The following RGS7 variants were observed in gnomAD, a reference collection of about 807,000 sequenced individuals.
RGS7 encodes the protein regulator of G protein signaling 7, also known as regulator of G-protein signaling 7.
In RGS7, 27 loss-of-function variants were observed where a neutral mutation model predicts 81.1. The ratio of observed to expected loss-of-function variants is 0.33; its 90% CI spans 0.25 to 0.46. RGS7 has a LOEUF of 0.46. RGS7 is among the 20% of genes least tolerant of loss of function. The pLI is 1.00. For synonymous variants in RGS7, 208 were observed against 207.7 expected (o/e 1.00, Z -0.01); for missense variants, 396 against 607.4 (o/e 0.65, Z 3.66).
chr1:240,827,915 C>G (rs558871070), intron 9 of RGS7, among the ~76,000 whole-genome samples: 9 of 146,180 alleles, frequency 6.2e-5, no homozygotes, highest in Admixed American at 5.5e-4. Flanking sequence ...GGGTGCCTTG[C>G]TTTTCCCAGG....
chr1:241,302,596 G>C (rs772994251), intron 2 of RGS7, among the ~76,000 whole-genome samples: 22 of 152,190 alleles, frequency 1.4e-4, no homozygotes, highest in Non-Finnish European at 2.5e-4. Flanking sequence ...TACTCAGATA[G>C]GGAGCACCTT....
At chr1:241,165,604 G>C (rs2070133872) in intron 2 of RGS7, among the ~76,000 whole-genome samples, 1 of 146,788 alleles carries the variant, frequency 6.8e-6, no homozygotes, top group Non-Finnish European at 1.5e-5. Context: ...CACAGGAAGG[G>C]GAACATCACA....
intron 6 of RGS7, among the ~76,000 whole-genome samples, chr1:240,898,746 G>A (rs984460331): frequency 2.0e-5 from 3 of 152,194 alleles, no homozygotes; most frequent in Admixed American, 2.0e-4. Context: ...GTCCTGAGAA[G>A]AATGTATATT....
At chr1:240,971,253 A>C (rs1683165321) in intron 4 of RGS7, among the ~76,000 whole-genome samples, 1 of 152,158 alleles carries the variant, frequency 6.6e-6, no homozygotes. Flanking sequence ...GGCCACCAGC[A>C]CCTTGACCTT....
rs548439615 is a variant in RGS7, at chr1:241,142,551, G to A, written c.79-43789C>T. On this transcript the variant is annotated intron_variant, in intron 2 of 18. Coordinates refer to ENST00000440928, the MANE Select transcript of RGS7 (RefSeq NM_001364886.1). The stretch of plus-strand genomic sequence containing the variant: ...TTAACCCTGTAAAGCAATGGACTGA[G>A]CTCTACGTTGACCCCTTTCAGCCAT... Among the ~76,000 whole-genome samples the A allele has an allele frequency of 2.0e-4, 31 of 152,334 alleles. No individual in the cohort carries two copies. The South Asian group carries it at 6.2e-3, about 31-fold the overall frequency.
intron 2 of RGS7, among the ~76,000 whole-genome samples, chr1:241,290,008 A>C (rs1454384686): frequency 6.6e-6 from 1 of 152,234 alleles, no homozygotes; most frequent in African/African-American, 2.4e-5. Flanking sequence ...GACAGAGATC[A>C]TCAGAATTGA....
At chr1:241,312,952 G>T (rs990775251) in intron 2 of RGS7, among the ~76,000 whole-genome samples, 4 of 151,982 alleles carry the variant, frequency 2.6e-5, no homozygotes, top group Non-Finnish European at 4.4e-5. Flanking sequence ...CCTTATTGCT[G>T]ATATGGAGAA....
At chr1:241,091,933 AG>A (rs1361881706) in intron 3 of RGS7, among the ~76,000 whole-genome samples, 1 of 152,176 alleles carries the variant, frequency 6.6e-6, no homozygotes, top group Non-Finnish European at 1.5e-5. Context: ...AAAAATCTCA[AG>A]GGCTCATTGA....
intron 2 of RGS7, among the ~76,000 whole-genome samples, chr1:241,353,907 C>CTTTTTTTG (rs1290405151): frequency 2.6e-5 from 4 of 152,066 alleles, no homozygotes; most frequent in African/African-American, 9.7e-5. Context: ...AAAGCCCTGT[C>CTTTTTTTG]TTCTTATTTT....
chr1:241,299,853 T>A (rs1185554847), intron 2 of RGS7, among the ~76,000 whole-genome samples: 1 of 147,342 alleles, frequency 6.8e-6, no homozygotes, highest in African/African-American at 2.5e-5. Context: ...CAGTTGCTCA[T>A]GTCTGTAATC....
At chr1:241,201,830 G>T (rs1411111774) in intron 2 of RGS7, among the ~76,000 whole-genome samples, 1 of 152,084 alleles carries the variant, frequency 6.6e-6, no homozygotes, top group Non-Finnish European at 1.5e-5. Context: ...AAACGTAGGA[G>T]CCAGGATCAG....
At chr1:241,030,582 C>T (rs1371172607) in intron 3 of RGS7, among the ~76,000 whole-genome samples, 2 of 151,026 alleles carry the variant, frequency 1.3e-5, no homozygotes, top group Non-Finnish European at 2.9e-5. Flanking sequence ...CTGGAATTGC[C>T]TTGACCTATC....
intron 2 of RGS7, among the ~76,000 whole-genome samples, chr1:241,218,041 C>T (rs1019460716): frequency 6.6e-6 from 1 of 152,076 alleles, no homozygotes; most frequent in Non-Finnish European, 1.5e-5. Context: ...ATTTGTGTGT[C>T]TGTGTTCATG....
chr1:241,273,045 A>C (rs955583544), intron 2 of RGS7, among the ~76,000 whole-genome samples: 1 of 151,848 alleles, frequency 6.6e-6, no homozygotes, highest in Non-Finnish European at 1.5e-5. Context: ...CATCTGGTCC[A>C]TTCCTTGGTC....
Position 240,819,949 on chromosome 1 carries a change from G to A in RGS7, c.685-3534C>T, listed in dbSNP as rs531020260. Among the ~76,000 whole-genome samples the A allele has an allele frequency of 1.2e-4, 18 of 152,202 alleles. No homozygotes were observed. The East Asian group carries it at 2.5e-3, about 21-fold the overall frequency. ...TTCATTTCCTGGGGATAGTGATAGC[G>A]TTTAACTTTGATTGTTGGCTACAAT... On this transcript the variant is annotated intron_variant, in intron 10 of 18. Coordinates refer to ENST00000440928, the MANE Select transcript of RGS7 (RefSeq NM_001364886.1).
intron 9 of RGS7, among the ~76,000 whole-genome samples, chr1:240,864,771 G>C (rs544873115): frequency 6.6e-6 from 1 of 152,320 alleles, no homozygotes; most frequent in East Asian, 1.9e-4. Flanking sequence ...TGGAAGAGTG[G>C]AATGATAAGG....
chr1:240,916,618 A>G (rs1409852024), intron 6 of RGS7, among the ~76,000 whole-genome samples: 2 of 152,152 alleles, frequency 1.3e-5, no homozygotes, highest in East Asian at 3.9e-4. Flanking sequence ...TCCCAATCCA[A>G]TATGACTGGT....
rs143987987 is a variant in RGS7 at position 241,183,461 on chromosome 1, T to G, written c.79-84699A>C. Among the ~76,000 whole-genome samples, 120 of 152,266 alleles carry G rather than the reference T, an allele frequency of 7.9e-4. 2 individuals carry two copies. In the East Asian group the frequency reaches 0.02, roughly 26 times the overall value. On this transcript the variant is annotated intron_variant, in intron 2 of 18. Transcript: ENST00000440928. ...TAGATACCCAAAGTACAATAAATCA[T>G]GCTCTGTCTCGCAGCTGACATTTCC...
At position 241,144,953 on chromosome 1, in the gene RGS7, G is replaced by A. The variant is rs1352819104; in HGVS notation, c.79-46191C>T. The stretch of plus-strand genomic sequence containing the variant: ...TGTGTGTGTGTGTGTGTGTGTGTGT[G>A]TGTGTGTGTGTTCGTGTTCATTCTT... On this transcript the variant is annotated intron_variant, in intron 2 of 18. Coordinates refer to ENST00000440928, the MANE Select transcript of RGS7 (RefSeq NM_001364886.1). The surrounding 1 kb of genome is among the most constrained non-coding windows in gnomAD (Gnocchi z 4.7). Among the ~76,000 whole-genome samples, 1 of 151,374 alleles carries A rather than the reference G, an allele frequency of 6.6e-6. No homozygotes were observed. The highest frequency in any genetic ancestry group is 2.4e-5 in the African/African-American group (1 of 40,942).
Sources: gnomAD v4.1 joint callset for allele counts (sites outside exome capture counted in the v4.1 genomes callset) on GRCh38, gnomAD v4.1.1 for gene constraint, Gnocchi (gnomAD v3.1) non-coding constraint, MANE v1.5 for transcripts, NCBI Gene and HGNC (gene_info 2026-07-23, HGNC 2026-07-21) for gene names.